Variants in POU2F2 observed in about 807,000 individuals in gnomAD.
The protein encoded by POU2F2 is POU domain, class 2, transcription factor 2.
In POU2F2, 14 loss-of-function variants were observed where a neutral mutation model predicts 63.5. The observed-to-expected ratio is 0.22, with a 90% confidence interval of 0.15 to 0.34. The LOEUF (loss-of-function observed/expected upper bound fraction) is 0.34, where lower values mean the gene tolerates loss of function less well. Among genes scored for constraint, POU2F2 ranks in the 10% least tolerant of loss-of-function variants. POU2F2 has a pLI of 1.00. For synonymous variants in POU2F2, 306 were observed against 348.6 expected (o/e 0.88, Z 1.36); for missense variants, 607 against 815.2 (o/e 0.74, Z 3.11).
chr19:42,121,010 C>T (rs1335821445), intron 4 of POU2F2, among the ~76,000 whole-genome samples: 5 of 152,196 alleles, frequency 3.3e-5, no homozygotes, highest in East Asian at 1.9e-4. Flanking sequence ...GCGTACAGGG[C>T]GAGTTGTGGA....
intron 1 of POU2F2, among the ~76,000 whole-genome samples, chr19:42,161,230 G>C (rs994052592): frequency 6.6e-6 from 1 of 152,208 alleles, no homozygotes; most frequent in Admixed American, 6.5e-5. Context: ...CAAGGAACGA[G>C]AGAATGCCAG....
chr19:42,096,496 C>T lies in POU2F2; in HGVS notation c.568-253G>A, dbSNP rs949175735. Among the ~76,000 whole-genome samples the T allele has an allele frequency of 6.6e-6, 1 of 152,220 alleles. No homozygotes were observed. Among genetic ancestry groups the T allele is most frequent in the African/African-American group, 2.4e-5 (1 of 41,462 alleles). ...TTGCCTGGGACTCTCTGCACTGTCCCTTCACGCCTGCGAACTCCCAGAAGG... is the reference window on the plus strand; with the variant it reads ...TTGCCTGGGACTCTCTGCACTGTCCTTTCACGCCTGCGAACTCCCAGAAGG... On this transcript the variant is annotated intron_variant, in intron 7 of 14. Coordinates refer to ENST00000692977, the MANE Select transcript of POU2F2 (RefSeq NM_001394376.1). The surrounding 1 kb of genome is among the most constrained non-coding windows in gnomAD (Gnocchi z 4.1).
chr19:42,096,299 G>A lies in POU2F2; in HGVS notation c.568-56C>T. ...GGGCGGAGGACCAGGATGGGGCTCAGCGATGGGTGCACAGTCCCCCTCCCG... is the reference window on the plus strand; with the variant it reads ...GGGCGGAGGACCAGGATGGGGCTCAACGATGGGTGCACAGTCCCCCTCCCG... On this transcript the variant is annotated intron_variant, in intron 7 of 14. Transcript: ENST00000692977. This position sits in a 1 kb window ranked among gnomAD's most constrained non-coding sequence, Gnocchi z 4.1. The A allele has an allele frequency of 6.8e-7, 1 of 1,460,750 alleles. No individual in the cohort carries two copies. Among genetic ancestry groups the A allele is most frequent in the Non-Finnish European group, 9.1e-7 (1 of 1,095,720 alleles). 90.5% of individuals were successfully genotyped at this position (1,460,750 alleles called of 1,614,324 possible). A position where few individuals can be genotyped will look rare whatever the true frequency, so the allele number is the denominator to read the frequency against.
intron 7 of POU2F2, among the ~76,000 whole-genome samples, chr19:42,097,931 T>TA (rs1305814522): frequency 1.3e-5 from 2 of 152,224 alleles, no homozygotes; most frequent in African/African-American, 4.8e-5. Flanking sequence ...ACCCATTAAG[T>TA]AATTTCTCAT....
upstream of POU2F2, among the ~76,000 whole-genome samples, chr19:42,197,603 A>G (rs547442997): frequency 6.6e-6 from 1 of 152,306 alleles, no homozygotes; most frequent in South Asian, 2.1e-4. Flanking sequence ...AATATTGAGT[A>G]AGAGAAACGA....
rs79487394 is a variant in POU2F2 at position 42,160,317 on chromosome 19, G to C, written c.-9+15C>G. 1.6e-4 allele frequency: 25 copies of C among 152,342 alleles called. No homozygotes were observed. The East Asian group carries it at 4.6e-3, about 28-fold the overall frequency. The allele number at this position is 152,342 out of a possible 1,614,324, so 9.4% of individuals were successfully genotyped here. On this transcript the variant is annotated intron_variant, in intron 2 of 6. Coordinates refer to the POU2F2 transcript ENST00000524801. ...GGTGCATCAATAAGCAAAACTCTAA[G>C]GCCGTGGTCCTTACCTCTTGGGCAG... is the stretch of plus-strand genomic sequence containing the variant.
chr19:42,183,079 C>T (rs1488864165), intron 1 of POU2F2, among the ~76,000 whole-genome samples: 1 of 152,198 alleles, frequency 6.6e-6, no homozygotes, highest in Non-Finnish European at 1.5e-5. Context: ...GCCTTATGCA[C>T]ACCCGGGTTC....
At chr19:42,157,696 G>C (rs891691888) in intron 2 of POU2F2, among the ~76,000 whole-genome samples, 4 of 152,242 alleles carry the variant, frequency 2.6e-5, no homozygotes, top group African/African-American at 9.6e-5. Flanking sequence ...TACGGTGATA[G>C]TGCTCAGGAG....
rs780871247 is a variant in POU2F2 at position 42,092,151 on chromosome 19, G to A, written c.1384C>T (p.Pro462Ser). ...GGGTTTGTGCTGTTGGTGGTGGCCG[G>A]GGGTGGGGGAGTGACAGAGGGGATG... ...NSIPSVTPPP[P>S]ATTNSTNPSP... Residue 462 changes from proline to serine, a missense_variant, in exon 13 of 15, where the codon CCG becomes TCG. By Grantham distance (74) the Pro-to-Ser change is moderately conservative. Transcript: ENST00000692977. The surrounding 1 kb of genome is among the most constrained non-coding windows in gnomAD (Gnocchi z 5.0). 1 of 1,584,392 alleles carries A rather than the reference G, an allele frequency of 6.3e-7. No homozygotes were observed. The highest frequency in any genetic ancestry group is 8.6e-7 in the Non-Finnish European group (1 of 1,166,914).
rs776295582 is a variant in POU2F2, at chr19:42,092,206, G to GCCCCCA, written c.1323_1328dup (p.Gly445_Gly446dup). 7 of 1,498,822 alleles carry GCCCCCA rather than the reference G, an allele frequency of 4.7e-6. No homozygotes were observed. In the South Asian group the frequency reaches 8.4e-5, roughly 18 times the overall value. The allele number at this position is 1,498,822 out of a possible 1,614,324, so 92.8% of individuals were successfully genotyped here. ...TGAGGGGGGGCGCAGCCCCGCCCCC[G>GCCCCCA]CCCCCACCCCCTCCAGCTGTCCGGC... On this transcript the variant is annotated inframe_insertion, in exon 13 of 15. Coordinates refer to ENST00000692977, the MANE Select transcript of POU2F2 (RefSeq NM_001394376.1). The surrounding 1 kb of genome is among the most constrained non-coding windows in gnomAD (Gnocchi z 5.0).
In POU2F2 at chr19:42,089,795, T is replaced by G. The variant is rs1257045123; in HGVS notation, c.*1462A>C. The G allele has an allele frequency of 7.9e-5, 12 of 151,732 alleles. No individual in the cohort carries two copies. The allele number at this position is 151,732 out of a possible 1,614,324, so 9.4% of individuals were successfully genotyped here. A position where few individuals can be genotyped will look rare whatever the true frequency, so the allele number is the denominator to read the frequency against. On this transcript the variant is annotated 3_prime_UTR_variant, in exon 15 of 15. Transcript: ENST00000692977. The stretch of plus-strand genomic sequence containing the variant: ...TTATTGTTTGTTTGTTTCTGTTTTT[T>G]TGGTTTTCGGTTCAAAACTTTGTTG...
chr19:42,091,909 T>G lies in POU2F2; in HGVS notation c.1498A>C (p.Ser500Arg). 6.5e-7 allele frequency: 1 copy of G among 1,540,538 alleles called. No homozygotes were observed. Among genetic ancestry groups the G allele is most frequent in the Non-Finnish European group, 8.7e-7 (1 of 1,146,710 alleles). Reference protein sequence around the residue: ...STMVGLSSGLSPALMSNNPLA... With the variant: ...STMVGLSSGLRPALMSNNPLA... ...GGGTTGTTGCTCATGAGGGCTGGAC[T>G]CAGCCCGGAGCTCAACCCCACCATT... Residue 500 changes from serine to arginine, a missense_variant, in exon 14 of 15, where the codon AGT (serine) becomes CGT (arginine). Coordinates refer to ENST00000692977, the MANE Select transcript of POU2F2 (RefSeq NM_001394376.1).
At chr19:42,098,953 G>A (rs548918856) in intron 7 of POU2F2, among the ~76,000 whole-genome samples, 6 of 152,294 alleles carry the variant, frequency 3.9e-5, no homozygotes, top group South Asian at 2.1e-4. Flanking sequence ...TGCTCACTGC[G>A]CCAAGCCACC....
At chr19:42,106,778 G>A (rs2030101710) in intron 5 of POU2F2, among the ~76,000 whole-genome samples, 1 of 146,902 alleles carries the variant, frequency 6.8e-6, no homozygotes, top group Admixed American at 6.9e-5. Context: ...AGGAAGAGGA[G>A]AAGGAGGAAG....
intron 2 of POU2F2, among the ~76,000 whole-genome samples, chr19:42,150,005 G>A (rs1411713215): frequency 6.6e-6 from 1 of 152,222 alleles, no homozygotes; most frequent in East Asian, 1.9e-4. Flanking sequence ...CTGTAACCAG[G>A]GGCAGAGAGG....
intron 1 of POU2F2, among the ~76,000 whole-genome samples, chr19:42,181,188 G>A (rs1449984746): frequency 6.6e-6 from 1 of 152,186 alleles, no homozygotes; most frequent in Non-Finnish European, 1.5e-5. Flanking sequence ...CTAGGGCTCC[G>A]CCCAGCCCCG....
At chr19:42,128,100 G>A (rs2033366540) in intron 1 of POU2F2, among the ~76,000 whole-genome samples, 1 of 152,020 alleles carries the variant, frequency 6.6e-6, no homozygotes, top group Non-Finnish European at 1.5e-5. Flanking sequence ...ACCCTGTACT[G>A]TGCTCCACCA....
chr19:42,111,015 C>A (rs1357270721), intron 5 of POU2F2, among the ~76,000 whole-genome samples: 1 of 152,220 alleles, frequency 6.6e-6, no homozygotes, highest in Non-Finnish European at 1.5e-5. Flanking sequence ...CATTGCCCAC[C>A]TCATGTCACC....
At chr19:42,132,721 C>T (rs928738707), upstream of POU2F2, 4 of 362,700 alleles carry the variant, frequency 1.1e-5, no homozygotes, top group African/African-American at 6.3e-5. Context: ...CCCATGGAGG[C>T]AAACAAGTCT....
Sources: gnomAD v4.1 joint callset for allele counts (sites outside exome capture counted in the v4.1 genomes callset) on GRCh38, gnomAD v4.1.1 for gene constraint, Gnocchi (gnomAD v3.1) non-coding constraint, MANE v1.5 for transcripts, NCBI Gene and HGNC (gene_info 2026-07-23, HGNC 2026-07-21) for gene names.